The following BAZ2B variants were observed in gnomAD, a reference collection of about 807,000 sequenced individuals.
BAZ2B encodes bromodomain adjacent to zinc finger domain 2B.
A neutral mutation model predicts 246.0 loss-of-function variants in BAZ2B; 91 were observed. The observed-to-expected ratio is 0.37, with a 90% CI of 0.31 to 0.44. The LOEUF (loss-of-function observed/expected upper bound fraction) is 0.44. Ranked by LOEUF, BAZ2B falls within the 20% of genes least tolerant of loss-of-function variation. BAZ2B has a pLI of 1.00. For missense variants in BAZ2B, 2,332 were observed against 2,533.7 expected (o/e 0.92, Z 1.71); for synonymous variants, 855 against 860.0 (o/e 0.99, Z 0.10).
chr2:159,338,722 C>T (rs1215402823), intron 31 of BAZ2B, among the ~76,000 whole-genome samples: 3 of 152,328 alleles, frequency 2.0e-5, no homozygotes, highest in South Asian at 2.1e-4. Flanking sequence ...TTCCAATCCT[C>T]GTGCTCTGCT....
intron 3 of BAZ2B, among the ~76,000 whole-genome samples, chr2:159,467,426 C>A (rs4142232): frequency 5.9e-5 from 9 of 151,900 alleles, no homozygotes; most frequent in East Asian, 1.9e-4. Context: ...CCTTTCCCCC[C>A]CAGGTTTCTG....
the BAZ2B span, chr2:159,689,708 C>T: frequency 4.2e-5 from 17 of 402,450 alleles, no homozygotes; most frequent in African/African-American, 6.5e-5. Context: ...ATCATGGAGA[C>T]GATAAATAGA....
At chr2:159,536,356 T>C (rs1396013339) in intron 2 of BAZ2B, 1 of 152,246 alleles carries the variant, frequency 6.6e-6, no homozygotes, top group Non-Finnish European at 1.5e-5. Context: ...CACAATCAAA[T>C]ACTTTAAATG....
chr2:159,402,701 C>A (rs959297653), intron 16 of BAZ2B, among the ~76,000 whole-genome samples: 1 of 152,146 alleles, frequency 6.6e-6, no homozygotes, highest in African/African-American at 2.4e-5. Context: ...CACAGACAGG[C>A]AGGGAATCTT....
chr2:159,676,350 A>G, the BAZ2B span, among the ~76,000 whole-genome samples: 1 of 152,108 alleles, frequency 6.6e-6, no homozygotes, highest in Non-Finnish European at 1.5e-5. Flanking sequence ...TCTTTTCTGA[A>G]TAAGATATCT....
chr2:159,320,121 C>G lies in BAZ2B; in HGVS notation c.*144G>C. ...GGAATGAAGCCTTTAAAAATGGTAT[C>G]ATTCTTCTGATACTTTTTTTTTATA... On this transcript the variant is annotated 3_prime_UTR_variant, in exon 37 of 37. Transcript: ENST00000392783. The G allele has an allele frequency of 1.4e-6, 1 of 740,204 alleles. No homozygotes were observed. The highest frequency in any genetic ancestry group is 1.9e-6 in the Non-Finnish European group (1 of 514,526). 45.9% of individuals were successfully genotyped at this position (740,204 alleles called of 1,614,324 possible).
At chr2:159,425,082 A>G (rs1411187311) in intron 13 of BAZ2B, among the ~76,000 whole-genome samples, 1 of 152,234 alleles carries the variant, frequency 6.6e-6, no homozygotes, top group East Asian at 1.9e-4. Flanking sequence ...ATTTAAGATC[A>G]TTTTGTACAA....
chr2:159,658,652 G>C, the BAZ2B span, among the ~76,000 whole-genome samples: 49 of 152,162 alleles, frequency 3.2e-4, no homozygotes, highest in Middle Eastern at 3.4e-3. Context: ...CAAGTAGCTG[G>C]GACTACAGGC....
chr2:159,347,367 G>C, intron 31 of BAZ2B, 119 bp downstream of exon 31: 2 of 1,201,010 alleles, frequency 1.7e-6, no homozygotes, highest in Admixed American at 4.4e-5. Context: ...ATTGTTTTCA[G>C]AATTAAATGA....
chr2:159,436,799 A>T (rs1355181923), intron 8 of BAZ2B, among the ~76,000 whole-genome samples: 1 of 152,080 alleles, frequency 6.6e-6, no homozygotes, highest in Non-Finnish European at 1.5e-5. Context: ...CTGACAGAAG[A>T]TCTACAAAAT....
intron 3 of BAZ2B, among the ~76,000 whole-genome samples, chr2:159,456,515 A>C (rs2075791261): frequency 6.6e-6 from 1 of 152,148 alleles, no homozygotes; most frequent in Non-Finnish European, 1.5e-5. Flanking sequence ...TTAACTCTAA[A>C]AGGAATGACA....
At chr2:159,615,966 G>A (rs1417893948) in intron 1 of BAZ2B, 2 of 152,516 alleles carry the variant, frequency 1.3e-5, no homozygotes, top group African/African-American at 2.4e-5. Flanking sequence ...TCCCACCCAG[G>A]ACGGCACATC....
the BAZ2B span, among the ~76,000 whole-genome samples, chr2:159,655,376 C>G: frequency 2.0e-5 from 3 of 152,164 alleles, no homozygotes; most frequent in Non-Finnish European, 4.4e-5. Context: ...TTTAAATATG[C>G]CATTGTATCG....
At chr2:159,529,831 T>C (rs1453988633) in intron 2 of BAZ2B, among the ~76,000 whole-genome samples, 2 of 152,204 alleles carry the variant, frequency 1.3e-5, no homozygotes, top group African/African-American at 2.4e-5. Flanking sequence ...AACCTCTGAT[T>C]GTATTTATTT....
chr2:159,648,484 A>T, the BAZ2B span, among the ~76,000 whole-genome samples: 1 of 152,116 alleles, frequency 6.6e-6, no homozygotes, highest in Non-Finnish European at 1.5e-5. Flanking sequence ...CATGTTACCC[A>T]ACTCCATGGA....
the BAZ2B span, chr2:159,695,066 G>A: frequency 3.9e-5 from 6 of 152,248 alleles, no homozygotes; most frequent in Middle Eastern, 3.4e-3. Flanking sequence ...TTTCCCTAAT[G>A]ACTGCTGAGG....
rs2070575137 is a variant in BAZ2B, at chr2:159,429,090, T to C, written c.2255+110A>G. Reference sequence around the variant, plus strand: ...GGCTCTTCTGCTCTAATAAATACTATGCAGCTATGTACTTCTTCTATTAAT... The same window carrying C: ...GGCTCTTCTGCTCTAATAAATACTACGCAGCTATGTACTTCTTCTATTAAT... On this transcript the variant is annotated intron_variant, in intron 11 of 36. Coordinates refer to ENST00000392783, the MANE Select transcript of BAZ2B (RefSeq NM_013450.4). 6 of 685,606 alleles carry C rather than the reference T, an allele frequency of 8.8e-6. No homozygotes were observed. The East Asian group carries it at 1.5e-4, about 17-fold the overall frequency. The allele number at this position is 685,606 out of a possible 1,614,324, so 42.5% of individuals were successfully genotyped here.
chr2:159,608,457 C>A (rs1694011505), intron 1 of BAZ2B, among the ~76,000 whole-genome samples: 1 of 152,134 alleles, frequency 6.6e-6, no homozygotes, highest in Non-Finnish European at 1.5e-5. Flanking sequence ...TAATGAGAAC[C>A]AGAAAAGGCA....
the BAZ2B span, among the ~76,000 whole-genome samples, chr2:159,699,952 G>A: frequency 6.6e-6 from 1 of 152,236 alleles, no homozygotes; most frequent in Non-Finnish European, 1.5e-5. Context: ...TAGAGAGGAG[G>A]AATGTTGTCT....
Sources: gnomAD v4.1 joint callset for allele counts (sites outside exome capture counted in the v4.1 genomes callset) on GRCh38, gnomAD v4.1.1 for gene constraint, MANE v1.5 for transcripts, NCBI Gene and HGNC (gene_info 2026-07-23, HGNC 2026-07-21) for gene names.